Variants in VEGFC observed in about 807,000 individuals in gnomAD.
VEGFC encodes vascular endothelial growth factor C.
Under a neutral mutation model 46.1 loss-of-function variants are expected in VEGFC, and 12 were observed. The ratio of observed to expected loss-of-function variants is 0.26; its 90% CI spans 0.17 to 0.42. The LOEUF (loss-of-function observed/expected upper bound fraction) is 0.42. Ranked by LOEUF, VEGFC falls within the 10% of genes least tolerant of loss-of-function variation. The probability of loss-of-function intolerance (pLI) is 1.00; values close to 1 mark genes in which losing one functional copy is unlikely to be tolerated. For synonymous variants in VEGFC, 232 were observed against 195.5 expected, an observed-to-expected ratio of 1.19 and a Z score of -1.56; for missense variants, 488 against 529.4, an observed-to-expected ratio of 0.92 and a Z score of 0.77.
chr4:176,791,664 T>C (rs1736095533), intron 1 of VEGFC, among the ~76,000 whole-genome samples: 1 of 152,192 alleles, frequency 6.6e-6, no homozygotes, highest in South Asian at 2.1e-4. Context: ...GCCTGGTTAC[T>C]AAAGTCCCTG....
At chr4:176,737,256 T>C (rs1191849792) in intron 1 of VEGFC, among the ~76,000 whole-genome samples, 1 of 137,360 alleles carries the variant, frequency 7.3e-6, no homozygotes, top group Non-Finnish European at 1.6e-5. Flanking sequence ...TAATGTTAAA[T>C]GTTAATAAAT....
chr4:176,695,093 T>C (rs1174207752), intron 4 of VEGFC, among the ~76,000 whole-genome samples: 2 of 140,704 alleles, frequency 1.4e-5, no homozygotes, highest in African/African-American at 5.4e-5. Flanking sequence ...AGCAAACACA[T>C]TCAAAAGCTA....
intron 1 of VEGFC, among the ~76,000 whole-genome samples, chr4:176,769,322 C>T (rs888679894): frequency 1.3e-5 from 2 of 152,098 alleles, no homozygotes; most frequent in Admixed American, 1.3e-4. Context: ...CATGCGGTGA[C>T]CTCCTGTCTA....
chr4:176,711,520 G>A lies in VEGFC; in HGVS notation c.683C>T (p.Ser228Phe), dbSNP rs550015862. 1 of 1,612,732 alleles carries A rather than the reference G, an allele frequency of 6.2e-7. No homozygotes were observed. Among genetic ancestry groups the A allele is most frequent in the African/African-American group, 1.3e-5 (1 of 74,864 alleles). Residue 228 changes from serine to phenylalanine, a missense_variant, in exon 4 of 7, where the codon TCC becomes TTC. By Grantham distance (155) the Ser-to-Phe change is radical (BLOSUM62 -2). Transcript: ENST00000618562. ...YRQVHSIIRR[S>F]LPATLPQCQA... is the part of the protein sequence containing the mutation. ...TCACTGTGGTAGTGTTGCTGGCAGG[G>A]AACGTCTAATAATGGAATGAACTTG... is the stretch of plus-strand genomic sequence containing the variant.
At chr4:176,738,552 C>G (rs1393021734) in intron 1 of VEGFC, among the ~76,000 whole-genome samples, 7 of 151,988 alleles carry the variant, frequency 4.6e-5, no homozygotes, top group Admixed American at 4.6e-4. Context: ...AAAATTAACT[C>G]AAGATGGATT....
chr4:176,699,103 A>T (rs1206121557), intron 4 of VEGFC, among the ~76,000 whole-genome samples: 1 of 152,194 alleles, frequency 6.6e-6, no homozygotes, highest in African/African-American at 2.4e-5. Context: ...AAGTACTCTC[A>T]TTGGAAGCTC....
intron 1 of VEGFC, among the ~76,000 whole-genome samples, chr4:176,750,941 A>G (rs1019689451): frequency 6.6e-6 from 1 of 151,764 alleles, no homozygotes; most frequent in Non-Finnish European, 1.5e-5. Context: ...GACAAAAAGA[A>G]AAAAAAGAAA....
chr4:176,717,822 A>T (rs1184664584), intron 3 of VEGFC, among the ~76,000 whole-genome samples: 1 of 152,158 alleles, frequency 6.6e-6, no homozygotes, highest in Non-Finnish European at 1.5e-5. Context: ...AATTTAAAGA[A>T]ATAATGCCCC....
chr4:176,712,514 T>C (rs1442826362), intron 3 of VEGFC, among the ~76,000 whole-genome samples: 1 of 152,214 alleles, frequency 6.6e-6, no homozygotes, highest in Non-Finnish European at 1.5e-5. Context: ...CTCTAAATCA[T>C]TACCAGAAAA....
At chr4:176,725,939 G>A (rs1427943748) in intron 3 of VEGFC, among the ~76,000 whole-genome samples, 1 of 152,012 alleles carries the variant, frequency 6.6e-6, no homozygotes, top group Non-Finnish European at 1.5e-5. Context: ...AAAGTATGCA[G>A]TTCTAAAATT....
At chr4:176,700,312 G>A (rs1159880563) in intron 4 of VEGFC, among the ~76,000 whole-genome samples, 2 of 151,996 alleles carry the variant, frequency 1.3e-5, no homozygotes, top group African/African-American at 4.8e-5. Flanking sequence ...AGTTACTCAG[G>A]AGGCTGAGGC....
intron 2 of VEGFC, 138 bp from the exon 3 acceptor site, chr4:176,728,106 G>A: frequency 3.4e-6 from 2 of 594,284 alleles, no homozygotes; most frequent in Non-Finnish European, 5.5e-6. Context: ...ACAGCTGATG[G>A]GATCCTAAAT....
intron 1 of VEGFC, among the ~76,000 whole-genome samples, chr4:176,784,061 CTG>C (rs1735957393): frequency 2.8e-5 from 1 of 35,180 alleles, no homozygotes; most frequent in Admixed American, 4.5e-4. Flanking sequence ...TATGCACATG[CTG>C]TTTTTTTTTT....
At chr4:176,760,523 C>A (rs191170314) in intron 1 of VEGFC, among the ~76,000 whole-genome samples, 1 of 152,124 alleles carries the variant, frequency 6.6e-6, no homozygotes, top group Admixed American at 6.5e-5. Context: ...ATTTATCAGC[C>A]CTGTAACTGA....
chr4:176,703,690 C>T (rs1734475151), intron 4 of VEGFC, among the ~76,000 whole-genome samples: 1 of 152,046 alleles, frequency 6.6e-6, no homozygotes, highest in African/African-American at 2.4e-5. Flanking sequence ...ATATCCTGAG[C>T]TGACCATTAC....
chr4:176,719,161 A>T (rs940279385), intron 3 of VEGFC, among the ~76,000 whole-genome samples: 2 of 152,138 alleles, frequency 1.3e-5, no homozygotes, highest in Admixed American at 6.6e-5. Flanking sequence ...GTCCCATTTT[A>T]AAAAAGCATT....
intron 4 of VEGFC, among the ~76,000 whole-genome samples, chr4:176,692,922 T>A (rs1231411992): frequency 6.8e-6 from 1 of 148,020 alleles, no homozygotes; most frequent in African/African-American, 2.6e-5. Context: ...GGGTCCTGTC[T>A]GTTAGAAGGA....
rs544475929 is a variant in VEGFC at position 176,736,483 on chromosome 4, T to A, written c.148-6737A>T. ...CCTCAATTAGTTCTACTATAAAAAA[T>A]ATAATAGATGCACCTGCCTTGTAAT... On this transcript the variant is annotated intron_variant, in intron 1 of 6. Coordinates refer to ENST00000618562, the MANE Select transcript of VEGFC (RefSeq NM_005429.5). Among the ~76,000 whole-genome samples the A allele has an allele frequency of 2.0e-5, 3 of 151,688 alleles. No individual in the cohort carries two copies. The East Asian group carries it at 5.8e-4, about 29-fold the overall frequency.
intron 4 of VEGFC, among the ~76,000 whole-genome samples, chr4:176,703,815 T>C (rs1300386390): frequency 6.6e-6 from 1 of 152,120 alleles, no homozygotes; most frequent in East Asian, 1.9e-4. Context: ...AAATGGATTA[T>C]ATCCAAACAA....
Sources: allele counts gnomAD v4.1 joint callset (sites outside exome capture counted in the v4.1 genomes callset), GRCh38; gene constraint gnomAD v4.1.1; transcripts MANE v1.5; gene names NCBI Gene and HGNC (gene_info 2026-07-23, HGNC 2026-07-21).